The following DOCK8 variants were observed in gnomAD, a reference collection of about 807,000 sequenced individuals.
DOCK8 encodes the protein dedicator of cytokinesis 8, also known as dedicator of cytokinesis protein 8.
DOCK8 carries 141 observed loss-of-function variants against 245.6 expected under a neutral mutation model. That is an observed-to-expected ratio of 0.57 (90% CI 0.50 to 0.66). The LOEUF is 0.66. Ranked by LOEUF, DOCK8 falls within the 30% of genes least tolerant of loss-of-function variation. The pLI is 0.00. For missense variants in DOCK8, 2,965 were observed against 2,603.4 expected (o/e 1.14, Z -3.02); for synonymous variants, 1,168 against 970.2 (o/e 1.20, Z -3.79).
chr9:367,346 G>A (rs10972570), intron 14 of DOCK8, among the ~76,000 whole-genome samples: 1 of 151,972 alleles, frequency 6.6e-6, no homozygotes, highest in African/African-American at 2.4e-5. Context: ...TCAAAAACAT[G>A]AGAGAAAAAT....
chr9:280,603 C>G (rs775893811), intron 2 of DOCK8, among the ~76,000 whole-genome samples: 1 of 152,222 alleles, frequency 6.6e-6, no homozygotes. Flanking sequence ...TTAGAAAAGG[C>G]TTCCCACTGG....
At chr9:390,407 A>G (rs1352910790) in intron 23 of DOCK8, 64 bp from the exon 24 acceptor site, 21 of 1,467,846 alleles carry the variant, frequency 1.4e-5, no homozygotes, top group Middle Eastern at 1.8e-4. Context: ...AAGAAAAGAA[A>G]AAAAGTGTTG....
chr9:432,970 C>T (rs550148695), intron 37 of DOCK8, among the ~76,000 whole-genome samples: 5 of 152,192 alleles, frequency 3.3e-5, no homozygotes, highest in Admixed American at 3.3e-4. Flanking sequence ...CTAGCCTGCT[C>T]TATGGTAGGG....
chr9:300,080 T>C (rs2049464547), intron 4 of DOCK8, among the ~76,000 whole-genome samples: 1 of 152,054 alleles, frequency 6.6e-6, no homozygotes. Context: ...GTCACCAAGC[T>C]AGTCTTATCT....
chr9:420,576 A>G lies in DOCK8; in HGVS notation c.4016A>G (p.Glu1339Gly). 6.2e-7 allele frequency: 1 copy of G among 1,614,134 alleles called. No homozygotes were observed. Residue 1339 changes from glutamate (E) to glycine (G), a missense_variant, in exon 31 of 48, where the codon GAG (glutamate) becomes GGG (glycine). Glu to Gly is a moderately conservative substitution (Grantham distance 98). Around this residue, in one of 3 missense-constraint regions of DOCK8, gnomAD observed 2,825 missense variants for 2,453.5 expected, o/e 1.15. Coordinates refer to ENST00000432829, the MANE Select transcript of DOCK8 (RefSeq NM_203447.4). ...CTTTTCATCTGTGTGTTATGTTTTG[A>G]GTATAAGGTAAGTCTGGAGTGGCAC... The part of the protein sequence containing the change: ...DLLFICVLCF[E>G]YKGKQSSDKV...
chr9:416,068 C>T (rs550888165), intron 29 of DOCK8, among the ~76,000 whole-genome samples: 1 of 152,246 alleles, frequency 6.6e-6, no homozygotes, highest in East Asian at 1.9e-4. Context: ...AATCCTCTAG[C>T]AAACTGCTAA....
intron 44 of DOCK8, among the ~76,000 whole-genome samples, chr9:446,975 A>G (rs1252069296): frequency 6.6e-6 from 1 of 152,076 alleles, no homozygotes; most frequent in Non-Finnish European, 1.5e-5. Context: ...AGGTGATTCA[A>G]GCATAGTCGT....
intron 21 of DOCK8, 142 bp from the exon 22 acceptor site, chr9:382,371 C>A (rs536377409): frequency 9.4e-6 from 11 of 1,168,484 alleles, no homozygotes; most frequent in Admixed American, 1.7e-5. Context: ...CTACCCCAAC[C>A]AGGATTTGTT....
chr9:221,737 G>A (rs188628290), intron 1 of DOCK8, among the ~76,000 whole-genome samples: 4 of 151,418 alleles, frequency 2.6e-5, no homozygotes, highest in Admixed American at 6.6e-5. Context: ...CAGGAGAATC[G>A]CTTGAACCTG....
At chr9:276,895 G>A (rs569928328) in intron 2 of DOCK8, 112 of 241,488 alleles carry the variant, frequency 4.6e-4, no homozygotes, top group African/African-American at 2.5e-3. Context: ...TACAACCTCC[G>A]CCTCCCAGGC....
At chr9:325,564 C>G (rs558307715) in intron 7 of DOCK8, 107 bp from the exon 8 acceptor site, 1 of 904,226 alleles carries the variant, frequency 1.1e-6, no homozygotes, top group African/African-American at 1.6e-5. Context: ...CCAAATATTT[C>G]GGGAAACTGC....
chr9:347,017 C>T (rs1264554692), intron 14 of DOCK8, among the ~76,000 whole-genome samples: 1 of 152,116 alleles, frequency 6.6e-6, no homozygotes, highest in Admixed American at 6.5e-5. Flanking sequence ...CTTCTCAGTG[C>T]TAGGTGAAGG....
chr9:268,337 A>G (rs1325552421), intron 1 of DOCK8: 1 of 152,246 alleles, frequency 6.6e-6, no homozygotes, highest in African/African-American at 2.4e-5. Flanking sequence ...TCAAGAAAGA[A>G]GATTAGTTGT....
At chr9:306,503 G>A (rs1199479494) in intron 5 of DOCK8, among the ~76,000 whole-genome samples, 1 of 152,118 alleles carries the variant, frequency 6.6e-6, no homozygotes, top group African/African-American at 2.4e-5. Flanking sequence ...TTAACACAGG[G>A]AATTGATTAA....
intron 28 of DOCK8, among the ~76,000 whole-genome samples, chr9:410,109 A>T (rs1010714356): frequency 1.3e-5 from 2 of 152,170 alleles, no homozygotes; most frequent in African/African-American, 2.4e-5. Context: ...CAGATACTCC[A>T]CTATATATTT....
chr9:302,847 G>A (rs1418956812), intron 4 of DOCK8, among the ~76,000 whole-genome samples: 1 of 152,006 alleles, frequency 6.6e-6, no homozygotes, highest in Non-Finnish European at 1.5e-5. Flanking sequence ...TCATAAAATA[G>A]ACTGGGCATG....
chr9:365,611 C>T lies in DOCK8; in HGVS notation c.1680-2407C>T, dbSNP rs1476957998. 6.6e-6 allele frequency: 3 copies of T among 454,142 alleles called. No homozygotes were observed. In the East Asian group the frequency reaches 2.1e-4, roughly 32 times the overall value. 28.1% of individuals were successfully genotyped at this position (454,142 alleles called of 1,614,324 possible). ...TTCAGAGAAGTCTTCCAGGTTTCAG[C>T]TGTTGCTCATTAATGCTCACCACAG... On this transcript the variant is annotated intron_variant, in intron 14 of 47. Coordinates refer to ENST00000432829, the MANE Select transcript of DOCK8 (RefSeq NM_203447.4).
rs779343060 is a variant in DOCK8 at position 405,020 on chromosome 9, T to A, written c.3337T>A (p.Phe1113Ile). 6.2e-7 allele frequency: 1 copy of A among 1,614,080 alleles called. No homozygotes were observed. The highest frequency in any genetic ancestry group is 1.1e-5 in the South Asian group (1 of 91,084). ...HEHYLNLNLF[F>I]MNADTAPTSP... ...GCATTACCTCAATCTGAACCTTTTT[T>A]TTATGAATGCTGATACTGCTCCAAC... Residue 1113 changes from phenylalanine (F) to isoleucine (I), a missense_variant, in exon 27 of 48, where the codon TTT (phenylalanine) becomes ATT (isoleucine). Transcript: ENST00000432829.
intron 24 of DOCK8, among the ~76,000 whole-genome samples, chr9:392,477 T>G (rs2054245048): frequency 6.6e-6 from 1 of 152,080 alleles, no homozygotes; most frequent in Non-Finnish European, 1.5e-5. Flanking sequence ...TTAGTAAAAA[T>G]AAAGCAGAGA....
Sources: gnomAD v4.1 joint callset for allele counts (sites outside exome capture counted in the v4.1 genomes callset) on GRCh38, gnomAD v4.1.1 for gene constraint, gnomAD v4.1.1 regional missense constraint, MANE v1.5 for transcripts, NCBI Gene and HGNC (gene_info 2026-07-23, HGNC 2026-07-21) for gene names.